Variants in CERKL observed in about 807,000 individuals in gnomAD.
CERKL encodes ceramide kinase-like protein.
CERKL carries 61 observed loss-of-function variants against 63.4 expected under a neutral mutation model. The ratio of observed to expected loss-of-function variants is 0.96; its 90% CI spans 0.78 to 1.19. CERKL has a LOEUF of 1.19. Ranked by LOEUF, CERKL falls within the 50% of genes most tolerant of loss-of-function variation. The pLI is 0.00. For synonymous variants in CERKL, 250 were observed against 230.5 expected (o/e 1.08, Z -0.77); for missense variants, 675 against 655.5 (o/e 1.03, Z -0.33).
At chr2:181,624,806 C>T (rs1686613295) in intron 1 of CERKL, among the ~76,000 whole-genome samples, 1 of 152,108 alleles carries the variant, frequency 6.6e-6, no homozygotes, top group African/African-American at 2.4e-5. Context: ...ATGAAGTTCC[C>T]ACTTACTGAA....
Position 181,621,759 on chromosome 2 carries a change from C to T in CERKL, c.239-17680G>A, listed in dbSNP as rs1283838644. On this transcript the variant is annotated intron_variant, in intron 1 of 12. Coordinates refer to ENST00000410087, the MANE Select transcript of CERKL (RefSeq NM_201548.5). ...TTATATACTTAGGTACATTATGTAG[C>T]ATGTAATCAATGTAAAATAGCTTAC... Among the ~76,000 whole-genome samples, 3 of 152,072 alleles carry T rather than the reference C, an allele frequency of 2.0e-5. No individual in the cohort carries two copies. The East Asian group carries it at 5.8e-4, about 29-fold the overall frequency.
intron 2 of CERKL, among the ~76,000 whole-genome samples, chr2:181,579,353 G>A (rs1258536193): frequency 2.0e-5 from 3 of 151,930 alleles, no homozygotes; most frequent in Admixed American, 2.0e-4. Flanking sequence ...AATACTGTAT[G>A]TGACTCTAAT....
At chr2:181,581,467 T>C (rs1385285303) in intron 2 of CERKL, among the ~76,000 whole-genome samples, 1 of 152,192 alleles carries the variant, frequency 6.6e-6, no homozygotes, top group Non-Finnish European at 1.5e-5. Flanking sequence ...AACAGGAACA[T>C]GGTAAGACCA....
At chr2:181,593,001 T>C (rs1685051011) in intron 2 of CERKL, among the ~76,000 whole-genome samples, 1 of 152,148 alleles carries the variant, frequency 6.6e-6, no homozygotes, top group Non-Finnish European at 1.5e-5. Flanking sequence ...AGAAGCTCAA[T>C]ACATACCTGG....
chr2:181,626,686 T>C (rs1686719603), intron 1 of CERKL, among the ~76,000 whole-genome samples: 1 of 152,186 alleles, frequency 6.6e-6, no homozygotes, highest in Non-Finnish European at 1.5e-5. Context: ...ATGATCATGT[T>C]AAAAAGGAAA....
chr2:181,557,914 T>C (rs16867446), intron 5 of CERKL, among the ~76,000 whole-genome samples: 15,639 of 152,188 alleles, frequency 0.1, 1,087 homozygotes, highest in East Asian at 0.22. Context: ...TTTTAAGACC[T>C]AATCCAAGTG....
In CERKL at chr2:181,656,736, G is replaced by A. The variant is rs974367552; in HGVS notation, c.238+33C>T. On this transcript the variant is annotated intron_variant, in intron 1 of 12. Coordinates refer to ENST00000410087, the MANE Select transcript of CERKL (RefSeq NM_201548.5). ...GCCGGGGAGAGGGAGGAAGCGCGGA[G>A]GGAGGCGAAGACGCTTGGGGCCGGG... 4 of 1,531,440 alleles carry A rather than the reference G, an allele frequency of 2.6e-6. No individual in the cohort carries two copies. In the East Asian group the frequency reaches 7.2e-5, roughly 28 times the overall value. The allele number at this position is 1,531,440 out of a possible 1,614,324, so 94.9% of individuals were successfully genotyped here.
At position 181,600,094 on chromosome 2, in the gene CERKL, T is replaced by C. The variant is rs529982024; in HGVS notation, c.481+3743A>G. Among the ~76,000 whole-genome samples, 354 of 152,296 alleles carry C rather than the reference T, an allele frequency of 2.3e-3. 1 individual carries two copies. Among genetic ancestry groups the C allele is most frequent in the African/African-American group, 7.6e-3 (315 of 41,568 alleles). The stretch of plus-strand genomic sequence containing the variant: ...AAAATGCCAGCCAAGAATTTCATAA[T>C]CTGCCAAATTAAGCTTCATAAATGA... On this transcript the variant is annotated intron_variant, in intron 2 of 12. Coordinates refer to ENST00000410087, the MANE Select transcript of CERKL (RefSeq NM_201548.5).
At chr2:181,565,952 C>A in intron 4 of CERKL, 106 bp downstream of exon 4, 1 of 757,450 alleles carries the variant, frequency 1.3e-6, no homozygotes, top group Non-Finnish European at 2.3e-6. Flanking sequence ...AAAGTACATA[C>A]ACTACAAATA....
chr2:181,611,388 G>A (rs1235333818), intron 1 of CERKL, among the ~76,000 whole-genome samples: 3 of 152,150 alleles, frequency 2.0e-5, no homozygotes, highest in Non-Finnish European at 4.4e-5. Context: ...GGTCAGTGTA[G>A]TGGCTAATGC....
chr2:181,646,427 T>A (rs1444654734), intron 1 of CERKL, among the ~76,000 whole-genome samples: 2 of 152,262 alleles, frequency 1.3e-5, no homozygotes, highest in African/African-American at 4.8e-5. Flanking sequence ...TGACAGCTGA[T>A]GCTGAATAAT....
At chr2:181,569,785 T>G (rs990941763) in intron 3 of CERKL, among the ~76,000 whole-genome samples, 16 of 152,160 alleles carry the variant, frequency 1.1e-4, no homozygotes, top group Non-Finnish European at 1.6e-4. Context: ...TCTTCAAATA[T>G]CTCAATGACT....
At chr2:181,570,601 A>G (rs1333694960) in intron 3 of CERKL, among the ~76,000 whole-genome samples, 1 of 152,164 alleles carries the variant, frequency 6.6e-6, no homozygotes, top group Admixed American at 6.6e-5. Context: ...TAGATAAGAT[A>G]CTACCTTGGT....
chr2:181,573,923 G>C lies in CERKL; in HGVS notation c.482-39C>G, dbSNP rs774227242. 19 of 1,599,274 alleles carry C rather than the reference G, an allele frequency of 1.2e-5. No homozygotes were observed. The African/African-American group carries it at 2.4e-4, about 20-fold the overall frequency. On this transcript the variant is annotated intron_variant, in intron 2 of 12. Transcript: ENST00000410087. Reference sequence around the variant, plus strand: ...TTAAAGACAAAGTTGTAAAGTCCTTGTCATCATTTTTTTTCTTTCCCTTTA... The same window carrying C: ...TTAAAGACAAAGTTGTAAAGTCCTTCTCATCATTTTTTTTCTTTCCCTTTA...
chr2:181,557,566 T>C (rs1688266189), intron 5 of CERKL, among the ~76,000 whole-genome samples: 1 of 152,124 alleles, frequency 6.6e-6, no homozygotes, highest in Admixed American at 6.6e-5. Context: ...AGTGTTGCTC[T>C]AACGGTTCTC....
In CERKL at chr2:181,548,720, G is replaced by A. The variant is rs201231831; in HGVS notation, c.1033C>T (p.Arg345Trp). Residue 345 changes from arginine to tryptophan, a missense_variant, in exon 7 of 13, where the codon CGG becomes TGG. By Grantham distance (101) the Arg-to-Trp change is moderately radical (BLOSUM62 -3). Transcript: ENST00000410087. ...GCCTTAACAACAGCAAAATCTCTCC[G>A]TTGGTTAGGGGACATCCATCGATAT... is the stretch of plus-strand genomic sequence containing the variant. ...EKYRWMSPNQ[R>W]RDFAVVKALA... is the part of the protein sequence containing the mutation. 3.5e-5 allele frequency: 57 copies of A among 1,613,888 alleles called. 1 individual carries two copies. Among genetic ancestry groups the A allele is most frequent in the Non-Finnish European group, 3.6e-5 (42 of 1,179,938 alleles).
chr2:181,554,059 T>G (rs986112447), intron 5 of CERKL, among the ~76,000 whole-genome samples: 13 of 151,058 alleles, frequency 8.6e-5, no homozygotes, highest in African/African-American at 3.2e-4. Context: ...GCCTACCACT[T>G]CCTCCTGAGA....
chr2:181,646,239 C>T (rs1687666362), intron 1 of CERKL, among the ~76,000 whole-genome samples: 3 of 152,162 alleles, frequency 2.0e-5, no homozygotes, highest in Admixed American at 2.0e-4. Context: ...CTTCAGAATC[C>T]TGACTTAGAT....
intron 2 of CERKL, among the ~76,000 whole-genome samples, chr2:181,592,975 G>A (rs1421796656): frequency 6.6e-6 from 1 of 151,998 alleles, no homozygotes; most frequent in Non-Finnish European, 1.5e-5. Context: ...AAAGAGTTTG[G>A]GGCTATGGAT....
Sources: gnomAD v4.1 joint callset for allele counts (sites outside exome capture counted in the v4.1 genomes callset) on GRCh38, gnomAD v4.1.1 for gene constraint, MANE v1.5 for transcripts, NCBI Gene and HGNC (gene_info 2026-07-23, HGNC 2026-07-21) for gene names.